Variants in NRXN3 observed in about 807,000 individuals in gnomAD.
NRXN3 encodes neurexin 3.
NRXN3 carries 32 observed loss-of-function variants against 137.6 expected under a neutral mutation model. The ratio of observed to expected loss-of-function variants is 0.23; its 90% CI spans 0.18 to 0.31. The LOEUF (loss-of-function observed/expected upper bound fraction) is 0.31, where lower values mean the gene tolerates loss of function less well. Among genes scored for constraint, NRXN3 ranks in the 10% least tolerant of loss-of-function variants. The probability of loss-of-function intolerance (pLI) is 1.00; values close to 1 mark genes in which losing one functional copy is unlikely to be tolerated. For missense variants in NRXN3, 1,574 were observed against 2,062.5 expected, an observed-to-expected ratio of 0.76 and a Z score of 4.59; for synonymous variants, 798 against 784.5, an observed-to-expected ratio of 1.02 and a Z score of -0.29.
intron 8 of NRXN3, among the ~76,000 whole-genome samples, chr14:78,754,136 T>C (rs1454048970): frequency 6.6e-6 from 1 of 152,138 alleles, no homozygotes. Context: ...AGGTTAGGCG[T>C]TAGTTTCGGA....
chr14:79,049,057 AAAAAAAAAAAAAAAAAATAAT>A (rs2099637787), intron 15 of NRXN3, among the ~76,000 whole-genome samples: 8 of 55,816 alleles, frequency 1.4e-4, no homozygotes, highest in South Asian at 1.4e-3. Context: ...AAAAAAAAAA[AAAAAAAAAAAAAAAAAATAAT>A]AATAATAATA....
At chr14:78,951,892 AAG>A (rs1161473319) in intron 10 of NRXN3, among the ~76,000 whole-genome samples, 4 of 152,228 alleles carry the variant, frequency 2.6e-5, no homozygotes, top group African/African-American at 9.6e-5. Context: ...GGCACGGAGA[AAG>A]AGGTGAGTAG....
intron 4 of NRXN3, among the ~76,000 whole-genome samples, chr14:78,399,020 C>T (rs985050171): frequency 6.6e-6 from 1 of 152,168 alleles, no homozygotes; most frequent in African/African-American, 2.4e-5. Flanking sequence ...ATGGAAATTG[C>T]TTTGTGAAAG....
intron 20 of NRXN3, among the ~76,000 whole-genome samples, chr14:79,829,230 G>C (rs992336041): frequency 1.3e-5 from 2 of 152,150 alleles, no homozygotes; most frequent in Non-Finnish European, 2.9e-5. Context: ...TAATAATAAT[G>C]ATAATAATAA....
chr14:78,921,061 TC>T (rs1708708494), intron 10 of NRXN3, among the ~76,000 whole-genome samples: 1 of 152,228 alleles, frequency 6.6e-6, no homozygotes, highest in African/African-American at 2.4e-5. Context: ...GACCTTCAGT[TC>T]TGTTCCTCTA....
intron 4 of NRXN3, among the ~76,000 whole-genome samples, chr14:78,518,297 A>G (rs1328759866): frequency 6.6e-6 from 1 of 152,090 alleles, no homozygotes; most frequent in African/African-American, 2.4e-5. Flanking sequence ...TTCTTAGGAA[A>G]TGGTAATTTA....
chr14:78,845,905 G>GTGTGT lies in NRXN3; in HGVS notation c.2275+35561_2275+35562insTGTGT, dbSNP rs2099025359. 2.7e-5 allele frequency among the ~76,000 whole-genome samples: 4 copies of GTGTGT among 146,236 alleles called. No individual in the cohort carries two copies. The South Asian group carries it at 6.7e-4, about 24-fold the overall frequency. ...TTTCAGGACAGTATGAGTATGTTGG[G>GTGTGT]GTGTGTGTGTGTGTGTGTGTGTGTG... On this transcript the variant is annotated intron_variant, in intron 10 of 20. Coordinates refer to ENST00000335750, the MANE Select transcript of NRXN3 (RefSeq NM_001330195.2).
chr14:79,721,500 G>A (rs543918736), intron 19 of NRXN3, among the ~76,000 whole-genome samples: 6 of 152,120 alleles, frequency 3.9e-5, no homozygotes, highest in Admixed American at 1.3e-4. Context: ...CTTTTGCTTC[G>A]ATAGGCTCTT....
At chr14:79,770,492 A>G (rs1173040654) in intron 19 of NRXN3, among the ~76,000 whole-genome samples, 3 of 131,608 alleles carry the variant, frequency 2.3e-5, no homozygotes, top group East Asian at 2.0e-4. Flanking sequence ...GCTCAACTAC[A>G]TGGAAACTGA....
At chr14:79,758,697 T>C (rs1001109219) in intron 19 of NRXN3, among the ~76,000 whole-genome samples, 3 of 152,186 alleles carry the variant, frequency 2.0e-5, no homozygotes, top group Non-Finnish European at 2.9e-5. Flanking sequence ...CCAGGACGTG[T>C]TCAACAGTGT....
At chr14:79,001,186 A>C (rs1270453617) in intron 15 of NRXN3, among the ~76,000 whole-genome samples, 1 of 152,152 alleles carries the variant, frequency 6.6e-6, no homozygotes, top group Non-Finnish European at 1.5e-5. Flanking sequence ...AAACCACTGA[A>C]GCCATGATAG....
chr14:78,224,989 A>G (rs991899648), intron 1 of NRXN3, among the ~76,000 whole-genome samples: 5 of 151,826 alleles, frequency 3.3e-5, no homozygotes, highest in African/African-American at 1.2e-4. Context: ...GATGGTCTCG[A>G]TCTCCTGACC....
chr14:78,788,216 C>G (rs945958502), intron 8 of NRXN3, among the ~76,000 whole-genome samples: 19 of 152,102 alleles, frequency 1.2e-4, no homozygotes, highest in African/African-American at 4.6e-4. Context: ...TGGGCCACCT[C>G]TAGACCTCAA....
chr14:79,391,044 G>C (rs1214903182), intron 15 of NRXN3, among the ~76,000 whole-genome samples: 2 of 152,018 alleles, frequency 1.3e-5, no homozygotes, highest in Non-Finnish European at 1.5e-5. Flanking sequence ...GACTTCCCAG[G>C]CTCCAGAATT....
intron 20 of NRXN3, among the ~76,000 whole-genome samples, chr14:79,832,085 CACAT>C (rs1278948010): frequency 6.6e-6 from 1 of 152,116 alleles, no homozygotes; most frequent in Non-Finnish European, 1.5e-5. Context: ...ATAACTTACA[CACAT>C]ACTTCTATAT....
At chr14:78,283,861 G>A (rs1047878017) in intron 3 of NRXN3, among the ~76,000 whole-genome samples, 1 of 152,184 alleles carries the variant, frequency 6.6e-6, no homozygotes, top group African/African-American at 2.4e-5. Context: ...TTGTGATAGA[G>A]CCTCACAGCC....
intron 15 of NRXN3, among the ~76,000 whole-genome samples, chr14:79,210,301 C>T (rs1170878009): frequency 1.3e-5 from 2 of 152,142 alleles, no homozygotes; most frequent in Non-Finnish European, 1.5e-5. Context: ...GGAGAATATG[C>T]TTGTTTCACT....
chr14:79,328,921 GA>G lies in NRXN3; in HGVS notation c.3263-138296del, dbSNP rs377296536. Among the ~76,000 whole-genome samples, 143 of 152,256 alleles carry G rather than the reference GA, an allele frequency of 9.4e-4. 1 individual carries two copies. Among genetic ancestry groups the G allele is most frequent in the Middle Eastern group, 3.4e-3 (1 of 294 alleles). Reference sequence around the variant, plus strand: ...CTAATGAGTAAGAAAAGACTGAAAAGAAAAGAAACTGAGTTGCTTTTTCTTT... The same window carrying G: ...CTAATGAGTAAGAAAAGACTGAAAAGAAAGAAACTGAGTTGCTTTTTCTTT... On this transcript the variant is annotated intron_variant, in intron 15 of 20. Coordinates refer to ENST00000335750, the MANE Select transcript of NRXN3 (RefSeq NM_001330195.2).
intron 4 of NRXN3, among the ~76,000 whole-genome samples, chr14:78,338,485 T>A (rs1250954028): frequency 2.0e-5 from 3 of 152,172 alleles, no homozygotes; most frequent in Non-Finnish European, 4.4e-5. Context: ...AGCCCTGTAG[T>A]TGTCCCATAG....
Sources: allele counts gnomAD v4.1 joint callset (sites outside exome capture counted in the v4.1 genomes callset), GRCh38; gene constraint gnomAD v4.1.1; transcripts MANE v1.5; gene names NCBI Gene and HGNC (gene_info 2026-07-23, HGNC 2026-07-21).